The following RB1 variants were observed in gnomAD, a reference collection of about 807,000 sequenced individuals.
The protein encoded by RB1 is RB transcriptional corepressor 1.
A neutral mutation model predicts 135.4 loss-of-function variants in RB1; 18 were observed. The ratio of observed to expected loss-of-function variants is 0.13; its 90% CI spans 0.09 to 0.20. The LOEUF is 0.20. RB1 is among the 10% of genes least tolerant of loss of function. RB1 has a pLI of 1.00. For missense variants in RB1, 868 were observed against 1,110.0 expected, an observed-to-expected ratio of 0.78 and a Z score of 3.10; for synonymous variants, 365 against 373.2, an observed-to-expected ratio of 0.98 and a Z score of 0.25.
At chr13:48,412,332 C>G (rs748147550) in intron 17 of RB1, 1 of 1,613,314 alleles carries the variant, frequency 6.2e-7, no homozygotes, top group East Asian at 2.2e-5. Context: ...GGATATTAAC[C>G]CAAGCACAAA....
chr13:48,362,102 C>CA (rs1952648069), intron 7 of RB1, among the ~76,000 whole-genome samples: 1 of 151,976 alleles, frequency 6.6e-6, no homozygotes, highest in South Asian at 2.1e-4. Context: ...CATGCACCAC[C>CA]ACACCTGGCT....
intron 2 of RB1, among the ~76,000 whole-genome samples, chr13:48,314,482 A>G (rs1475674846): frequency 3.3e-5 from 5 of 152,208 alleles, no homozygotes; most frequent in South Asian, 2.1e-4. Context: ...GGATAGAAAT[A>G]AAATCTATTT....
At chr13:48,333,932 G>A (rs1233758967) in intron 2 of RB1, among the ~76,000 whole-genome samples, 3 of 152,102 alleles carry the variant, frequency 2.0e-5, no homozygotes, top group Non-Finnish European at 4.4e-5. Flanking sequence ...GAGCAAGCAA[G>A]CAAGTCACAG....
At chr13:48,310,288 GTC>G (rs1952120581) in intron 2 of RB1, among the ~76,000 whole-genome samples, 2 of 152,238 alleles carry the variant, frequency 1.3e-5, no homozygotes, top group African/African-American at 2.4e-5. Context: ...AGTGGCAGTT[GTC>G]TCTCTTCTTT....
At chr13:48,331,806 C>A (rs1364277085) in intron 2 of RB1, among the ~76,000 whole-genome samples, 1 of 152,164 alleles carries the variant, frequency 6.6e-6, no homozygotes, top group East Asian at 1.9e-4. Flanking sequence ...ATGTTCATTG[C>A]AGCATTATTC....
chr13:48,328,659 C>G (rs1321226270), intron 2 of RB1: 1 of 517,534 alleles, frequency 1.9e-6, no homozygotes, highest in Non-Finnish European at 3.5e-6. Flanking sequence ...CAAGGTATTT[C>G]TTTTAACTTT....
At chr13:48,472,696 T>A (rs1949478810) in intron 23 of RB1, among the ~76,000 whole-genome samples, 1 of 152,144 alleles carries the variant, frequency 6.6e-6, no homozygotes, top group African/African-American at 2.4e-5. Context: ...CCAGTACATT[T>A]AGGTACTCTG....
At chr13:48,347,792 A>T (rs1415202329) in intron 4 of RB1, 33 bp from the exon 5 acceptor site, 1 of 1,497,928 alleles carries the variant, frequency 6.7e-7, no homozygotes, top group African/African-American at 1.4e-5. Context: ...ATTACGAAAA[A>T]ATGTTAAAAA....
chr13:48,364,469 TAAG>T (rs1200993362), intron 8 of RB1, among the ~76,000 whole-genome samples: 8 of 152,316 alleles, frequency 5.3e-5, no homozygotes, highest in South Asian at 2.1e-4. Context: ...ATCTTTATCA[TAAG>T]AAGATGATAT....
At chr13:48,318,378 T>C in intron 2 of RB1, 9 of 1,489,690 alleles carry the variant, frequency 6.0e-6, no homozygotes, top group Non-Finnish European at 8.2e-6. Context: ...GAGCTTTCGC[T>C]TGGACCTTAA....
chr13:48,451,523 G>C (rs937256040), intron 17 of RB1, among the ~76,000 whole-genome samples: 1 of 152,166 alleles, frequency 6.6e-6, no homozygotes, highest in African/African-American at 2.4e-5. Flanking sequence ...TGGTTTGCCA[G>C]TATTTTATTG....
chr13:48,330,423 C>T (rs547450102), intron 2 of RB1, among the ~76,000 whole-genome samples: 1 of 151,670 alleles, frequency 6.6e-6, no homozygotes, highest in South Asian at 2.1e-4. Context: ...AAACTTTTAG[C>T]TAGAATAAGA....
intron 17 of RB1, among the ~76,000 whole-genome samples, chr13:48,383,271 C>G (rs188547161): frequency 7.4e-4 from 113 of 151,982 alleles, no homozygotes; most frequent in African/African-American, 2.6e-3. Flanking sequence ...TATAGGGGCA[C>G]AAATTATATT....
chr13:48,473,085 A>G (rs1949482336), intron 23 of RB1, among the ~76,000 whole-genome samples: 1 of 152,180 alleles, frequency 6.6e-6, no homozygotes, highest in African/African-American at 2.4e-5. Flanking sequence ...GTAACCTTGA[A>G]ACTTGCCTTT....
chr13:48,476,189 A>T (rs1206321331), intron 24 of RB1, among the ~76,000 whole-genome samples: 1 of 152,244 alleles, frequency 6.6e-6, no homozygotes. Context: ...CAAATCAGAT[A>T]TAATTTCTAT....
rs267603841 is a variant in RB1, at chr13:48,465,104, C to T, written c.2318C>T (p.Ser773Phe). The part of the protein sequence containing the change: ...RLKTNILQYA[S>F]TRPPTLSPIP... ...AAAACAAATATTTTGCAGTATGCTT[C>T]CACCAGGGTAGGTCAAAAGTATCCT... Residue 773 changes from serine to phenylalanine, a missense_variant, in exon 22 of 27, where the codon TCC becomes TTC. Ser to Phe is a radical substitution (Grantham distance 155). Coordinates refer to ENST00000267163, the MANE Select transcript of RB1 (RefSeq NM_000321.3). The T allele has an allele frequency of 1.2e-6, 2 of 1,613,500 alleles. No individual in the cohort carries two copies. The highest frequency in any genetic ancestry group is 2.2e-5 in the South Asian group (2 of 91,046).
chr13:48,444,714 A>T (rs1345358526), intron 17 of RB1: 1 of 152,156 alleles, frequency 6.6e-6, no homozygotes, highest in Non-Finnish European at 1.5e-5. Context: ...AGTTTTTATG[A>T]TGTCAGCATT....
chr13:48,316,406 T>C (rs1952182977), intron 2 of RB1, among the ~76,000 whole-genome samples: 2 of 152,036 alleles, frequency 1.3e-5, no homozygotes, highest in Admixed American at 1.3e-4. Flanking sequence ...CGACGGACAT[T>C]CTCACCAGCA....
intron 17 of RB1, chr13:48,423,920 C>A (rs1157187954): frequency 1.3e-5 from 2 of 152,402 alleles, no homozygotes; most frequent in Non-Finnish European, 2.9e-5. Context: ...GAGACACTGT[C>A]TCTTGAAGAA....
Sources: allele counts gnomAD v4.1 joint callset (sites outside exome capture counted in the v4.1 genomes callset), GRCh38; gene constraint gnomAD v4.1.1; transcripts MANE v1.5; gene names NCBI Gene and HGNC (gene_info 2026-07-23, HGNC 2026-07-21).